Variants in GNA12 observed in about 807,000 individuals in gnomAD.
The protein encoded by GNA12 is guanine nucleotide-binding protein subunit alpha-12.
Under a neutral mutation model 26.0 loss-of-function variants are expected in GNA12, and 9 were observed. That is an observed-to-expected ratio of 0.35 (90% CI 0.21 to 0.60). The LOEUF is 0.60. Among genes scored for constraint, GNA12 ranks in the 20% least tolerant of loss-of-function variants. The pLI, the probability that GNA12 is intolerant of heterozygous loss-of-function variation, is 0.78. For missense variants in GNA12, 405 were observed against 525.8 expected, an observed-to-expected ratio of 0.77 and a Z score of 2.25; for synonymous variants, 264 against 219.6, an observed-to-expected ratio of 1.20 and a Z score of -1.79.
At chr7:2,793,298 C>T (rs1295640512) in intron 2 of GNA12, among the ~76,000 whole-genome samples, 1 of 144,176 alleles carries the variant, frequency 6.9e-6, no homozygotes, top group Non-Finnish European at 1.5e-5. Flanking sequence ...GAGGAAGCAG[C>T]GGACAGGACG....
chr7:2,840,131 CTGGTTG>C (rs1778948312), intron 1 of GNA12, among the ~76,000 whole-genome samples: 1 of 152,134 alleles, frequency 6.6e-6, no homozygotes, highest in African/African-American at 2.4e-5. Flanking sequence ...CGTCAATATC[CTGGTTG>C]TAAGATTGTG....
intron 2 of GNA12, among the ~76,000 whole-genome samples, chr7:2,747,667 G>T (rs1200473077): frequency 1.3e-5 from 2 of 152,098 alleles, no homozygotes; most frequent in African/African-American, 2.4e-5. Context: ...GAAGTCCTAG[G>T]CAGGGCAATC....
intron 2 of GNA12, among the ~76,000 whole-genome samples, chr7:2,788,487 A>G (rs1792422988): frequency 6.6e-6 from 1 of 152,194 alleles, no homozygotes; most frequent in Non-Finnish European, 1.5e-5. Context: ...AAAAGACACA[A>G]CTTATATTCA....
chr7:2,829,482 T>C (rs1297227204), intron 1 of GNA12, among the ~76,000 whole-genome samples: 1 of 152,230 alleles, frequency 6.6e-6, no homozygotes, highest in Non-Finnish European at 1.5e-5. Flanking sequence ...CCTTCCTGTC[T>C]CCGATGCACC....
chr7:2,808,964 GGATAGCCGCA>G (rs1220718896), intron 1 of GNA12, among the ~76,000 whole-genome samples: 4 of 152,102 alleles, frequency 2.6e-5, no homozygotes, highest in Non-Finnish European at 4.4e-5. Flanking sequence ...CCTTTGCCCC[GGATAGCCGCA>G]CGGCTCACTT....
At chr7:2,759,102 T>G (rs1288158656) in intron 2 of GNA12, among the ~76,000 whole-genome samples, 1 of 151,210 alleles carries the variant, frequency 6.6e-6, no homozygotes, top group Non-Finnish European at 1.5e-5. Context: ...ATTACACCAT[T>G]GCACTCAGCC....
chr7:2,802,894 C>T (rs1288612607), intron 1 of GNA12, among the ~76,000 whole-genome samples: 1 of 152,256 alleles, frequency 6.6e-6, no homozygotes, highest in Non-Finnish European at 1.5e-5. Context: ...AGGCAGTAAG[C>T]CGTCAAACCA....
intron 2 of GNA12, among the ~76,000 whole-genome samples, chr7:2,781,824 C>G (rs1792237836): frequency 6.6e-6 from 1 of 152,114 alleles, no homozygotes; most frequent in African/African-American, 2.4e-5. Context: ...AACTTGACAT[C>G]ATTACTCCTC....
chr7:2,793,826 G>C (rs1298494892), intron 2 of GNA12, among the ~76,000 whole-genome samples: 1 of 148,670 alleles, frequency 6.7e-6, no homozygotes, highest in Non-Finnish European at 1.5e-5. Flanking sequence ...AGGTTGCAGT[G>C]AGCTGAGATG....
At chr7:2,736,925 C>A (rs1348003126) in intron 2 of GNA12, among the ~76,000 whole-genome samples, 1 of 152,246 alleles carries the variant, frequency 6.6e-6, no homozygotes, top group Non-Finnish European at 1.5e-5. Flanking sequence ...CAACCCTGCA[C>A]AGGACCAGAC....
intron 2 of GNA12, among the ~76,000 whole-genome samples, chr7:2,752,379 G>T (rs798499): frequency 2.6e-5 from 4 of 151,958 alleles, no homozygotes; most frequent in East Asian, 3.9e-4. Flanking sequence ...AACACTGGGT[G>T]TAAGGCAAGG....
rs117534487 is a variant in GNA12 at position 2,786,725 on chromosome 7, T to C, written c.525+8203A>G. Among the ~76,000 whole-genome samples, 1,237 of 152,312 alleles carry C rather than the reference T, an allele frequency of 8.1e-3. 8 individuals are homozygous for C. Among genetic ancestry groups the C allele is most frequent in the Middle Eastern group, 0.071 (21 of 294 alleles). ...AATGCTTGAGAAGTCAGCTAGTCCGTGACCAGCACAGACCGGGACTGATGC... is the reference window on the plus strand; with the variant it reads ...AATGCTTGAGAAGTCAGCTAGTCCGCGACCAGCACAGACCGGGACTGATGC... On this transcript the variant is annotated intron_variant, in intron 2 of 3. Coordinates refer to ENST00000275364, the MANE Select transcript of GNA12 (RefSeq NM_007353.3).
intron 1 of GNA12, among the ~76,000 whole-genome samples, chr7:2,821,600 T>C (rs181786499): frequency 8.1e-4 from 123 of 152,344 alleles, no homozygotes; most frequent in South Asian, 6.4e-3. Context: ...CCAAACGGTG[T>C]GCCCTATGGA....
At chr7:2,819,131 G>GC (rs1793290147) in intron 1 of GNA12, among the ~76,000 whole-genome samples, 1 of 152,160 alleles carries the variant, frequency 6.6e-6, no homozygotes, top group Non-Finnish European at 1.5e-5. Flanking sequence ...TTCCTTGTGA[G>GC]CCGCTCGCTG....
chr7:2,775,133 C>G (rs1422641416), intron 2 of GNA12, among the ~76,000 whole-genome samples: 1 of 152,198 alleles, frequency 6.6e-6, no homozygotes, highest in Non-Finnish European at 1.5e-5. Flanking sequence ...AAATTCGTAA[C>G]AGGGGAGGAG....
intron 2 of GNA12, among the ~76,000 whole-genome samples, chr7:2,791,128 T>C (rs1203379283): frequency 6.6e-6 from 1 of 152,248 alleles, no homozygotes; most frequent in Non-Finnish European, 1.5e-5. Flanking sequence ...AATTTTATTT[T>C]ATTAAAAAAG....
At chr7:2,832,493 G>C (rs1778706493) in intron 1 of GNA12, among the ~76,000 whole-genome samples, 2 of 152,194 alleles carry the variant, frequency 1.3e-5, no homozygotes, top group Admixed American at 1.3e-4. Flanking sequence ...ACCATCACTG[G>C]AACGTTCCAC....
intron 2 of GNA12, among the ~76,000 whole-genome samples, chr7:2,766,644 C>T (rs527544552): frequency 1.2e-3 from 179 of 152,266 alleles, no homozygotes; most frequent in African/African-American, 3.6e-3. Flanking sequence ...CCTCGGTCTC[C>T]CAAAGTGCTG....
intron 2 of GNA12, among the ~76,000 whole-genome samples, chr7:2,776,045 G>C (rs1439645133): frequency 6.6e-6 from 1 of 152,174 alleles, no homozygotes; most frequent in African/African-American, 2.4e-5. Context: ...GCTAACAATG[G>C]GTCTTTTGAT....
Sources: gnomAD v4.1 joint callset for allele counts (sites outside exome capture counted in the v4.1 genomes callset) on GRCh38, gnomAD v4.1.1 for gene constraint, MANE v1.5 for transcripts, NCBI Gene and HGNC (gene_info 2026-07-23, HGNC 2026-07-21) for gene names.